Variants in HS6ST2 observed in about 807,000 individuals in gnomAD.
The protein encoded by HS6ST2 is heparan sulfate 6-O-sulfotransferase 2.
HS6ST2 carries 17 observed loss-of-function variants against 33.0 expected under a neutral mutation model. The ratio of observed to expected loss-of-function variants is 0.52; its 90% CI spans 0.35 to 0.77. The LOEUF (loss-of-function observed/expected upper bound fraction) is 0.77. Among genes scored for constraint, HS6ST2 ranks in the 30% least tolerant of loss-of-function variants. The pLI is 0.01. For missense variants in HS6ST2, 519 were observed against 551.7 expected (o/e 0.94, Z 0.59); for synonymous variants, 248 against 237.1 (o/e 1.05, Z -0.42).
chrX:132,845,204 TTAATC>T (rs1210429920), intron 2 of HS6ST2, among the ~76,000 whole-genome samples: 3 of 109,869 alleles, frequency 2.7e-5, no homozygotes. Context: ...CAATCACTGA[TTAATC>T]TAATCCTAAG....
intron 2 of HS6ST2, among the ~76,000 whole-genome samples, chrX:132,810,408 A>AGAAG (rs10538975): frequency 4.1e-4 from 43 of 105,431 alleles, no homozygotes; most frequent in Non-Finnish European, 6.6e-4. Context: ...TGAGAAAGAA[A>AGAAG]GAAGGAAGGA....
chrX:132,958,059 A>C, intron 1 of HS6ST2, 116 bp downstream of exon 1: 1 of 736,296 alleles, frequency 1.4e-6, no homozygotes, highest in Non-Finnish European at 1.9e-6. Flanking sequence ...CCGGGCCACC[A>C]ATGGCCAGCT....
At chrX:132,902,968 T>G (rs2066438441) in intron 2 of HS6ST2, among the ~76,000 whole-genome samples, 1 of 111,648 alleles carries the variant, frequency 9.0e-6, no homozygotes, top group African/African-American at 3.3e-5. Flanking sequence ...TTAGGCAAGA[T>G]AAGGAAATAC....
chrX:132,897,136 C>A (rs1372731201), intron 2 of HS6ST2, among the ~76,000 whole-genome samples: 2 of 110,038 alleles, frequency 1.8e-5, no homozygotes, highest in Non-Finnish European at 3.8e-5. Flanking sequence ...AGCAACATGA[C>A]AAAACTATAA....
At chrX:132,634,231 A>G (rs1482546213) in intron 4 of HS6ST2, among the ~76,000 whole-genome samples, 1 of 112,190 alleles carries the variant, frequency 8.9e-6, no homozygotes, top group Non-Finnish European at 1.9e-5. Context: ...AGCAAGATGC[A>G]GGTGAGAGCA....
chrX:132,958,114 C>G lies in HS6ST2; in HGVS notation c.428+61G>C, dbSNP rs1413337980. 3.8e-6 allele frequency: 4 copies of G among 1,039,340 alleles called. No individual in the cohort carries two copies. In the African/African-American group the frequency reaches 5.7e-5, roughly 15 times the overall value. The allele number at this position is 1,039,340 out of a possible 1,213,427, so 85.7% of individuals were successfully genotyped here. A position where few individuals can be genotyped will look rare whatever the true frequency, so the allele number is the denominator to read the frequency against. On this transcript the variant is annotated intron_variant, in intron 1 of 4. Coordinates refer to ENST00000370833, the MANE Select transcript of HS6ST2 (RefSeq NM_001394073.1). Reference sequence around the variant, plus strand: ...TACCCCCCGCGGCTGCCTTCCCTCCCCGTACAGCACCTTCGCGCCCTGGCC... The same window carrying G: ...TACCCCCCGCGGCTGCCTTCCCTCCGCGTACAGCACCTTCGCGCCCTGGCC...
intron 2 of HS6ST2, among the ~76,000 whole-genome samples, chrX:132,864,705 C>T (rs780466441): frequency 5.4e-5 from 6 of 110,535 alleles, no homozygotes; most frequent in African/African-American, 1.6e-4. Context: ...TCCAGGAGAA[C>T]GTCCCCGACC....
intron 2 of HS6ST2, among the ~76,000 whole-genome samples, chrX:132,797,235 T>C (rs1023389499): frequency 8.9e-6 from 1 of 111,803 alleles, no homozygotes; most frequent in Non-Finnish European, 1.9e-5. Flanking sequence ...TAGTGGGTAC[T>C]TGGTTGATGG....
intron 2 of HS6ST2, among the ~76,000 whole-genome samples, chrX:132,716,536 C>A (rs984613237): frequency 8.9e-6 from 1 of 112,196 alleles, no homozygotes; most frequent in African/African-American, 3.2e-5. Flanking sequence ...AGGCTGACTT[C>A]TTCAACTGAA....
At chrX:132,747,526 G>C (rs995511985) in intron 2 of HS6ST2, among the ~76,000 whole-genome samples, 1 of 111,018 alleles carries the variant, frequency 9.0e-6, no homozygotes, top group African/African-American at 3.3e-5. Flanking sequence ...TGCTGAGAGA[G>C]ACTGCAGCCC....
chrX:132,784,751 C>G (rs1305505324), intron 2 of HS6ST2, among the ~76,000 whole-genome samples: 2 of 112,058 alleles, frequency 1.8e-5, no homozygotes, highest in African/African-American at 6.5e-5. Context: ...AGACACCAAC[C>G]ACACCATTGA....
chrX:132,873,222 T>C lies in HS6ST2; in HGVS notation c.947+83586A>G. ...TGTAAATGCACAGGATCAGGCTCGA[T>C]GCTCCACTCACTCCTTTTCTACTAT... On this transcript the variant is annotated intron_variant, in intron 2 of 4. Transcript: ENST00000370833. 1.8e-5 allele frequency among the ~76,000 whole-genome samples: 2 copies of C among 111,981 alleles called. 1 individual carries two copies. The highest frequency in any genetic ancestry group is 8.4e-3 in the Middle Eastern group (2 of 238).
intron 3 of HS6ST2, among the ~76,000 whole-genome samples, chrX:132,693,382 G>GAA (rs2064081396): frequency 8.9e-6 from 1 of 111,916 alleles, no homozygotes; most frequent in Non-Finnish European, 1.9e-5. Flanking sequence ...AAGAAAGCAG[G>GAA]ATTTACTAGT....
intron 2 of HS6ST2, among the ~76,000 whole-genome samples, chrX:132,804,292 C>A (rs2148356734): frequency 8.9e-6 from 1 of 111,895 alleles, no homozygotes; most frequent in African/African-American, 3.2e-5. Flanking sequence ...TTGCCACCAT[C>A]CACTGCTTAG....
At chrX:132,863,414 G>A (rs1167925830) in intron 2 of HS6ST2, among the ~76,000 whole-genome samples, 1 of 110,626 alleles carries the variant, frequency 9.0e-6, no homozygotes, top group Admixed American at 9.7e-5. Context: ...CCAATTCCTG[G>A]GCTTAAGTGA....
intron 2 of HS6ST2, among the ~76,000 whole-genome samples, chrX:132,801,753 C>T (rs905739641): frequency 8.9e-6 from 1 of 112,168 alleles, no homozygotes; most frequent in Non-Finnish European, 1.9e-5. Flanking sequence ...AGAAGGAAAA[C>T]ATTAAATGTG....
At chrX:132,815,480 G>A (rs894327125) in intron 2 of HS6ST2, among the ~76,000 whole-genome samples, 4 of 111,723 alleles carry the variant, frequency 3.6e-5, no homozygotes, top group Non-Finnish European at 7.5e-5. Flanking sequence ...TCAAATCCAC[G>A]CAGTCTGGCT....
intron 2 of HS6ST2, among the ~76,000 whole-genome samples, chrX:132,826,596 T>C (rs989691342): frequency 1.8e-5 from 2 of 110,389 alleles, no homozygotes; most frequent in African/African-American, 6.5e-5. Context: ...AAATTATATA[T>C]ATGGCTCACA....
At chrX:132,778,090 C>T (rs2064981798) in intron 2 of HS6ST2, among the ~76,000 whole-genome samples, 2 of 112,240 alleles carry the variant, frequency 1.8e-5, no homozygotes, top group Admixed American at 1.9e-4. Flanking sequence ...TCATGGCATA[C>T]ATTTTCCCAT....
Sources: gnomAD v4.1 joint callset for allele counts (sites outside exome capture counted in the v4.1 genomes callset) on GRCh38, gnomAD v4.1.1 for gene constraint, MANE v1.5 for transcripts, NCBI Gene and HGNC (gene_info 2026-07-23, HGNC 2026-07-21) for gene names.